FAF1: variants seen among roughly 807,000 people sequenced by gnomAD.
FAF1 encodes FAS-associated factor 1.
A neutral mutation model predicts 92.5 loss-of-function variants in FAF1; 25 were observed. The observed-to-expected ratio is 0.27, with a 90% CI of 0.20 to 0.38. The LOEUF (loss-of-function observed/expected upper bound fraction) is 0.38, where lower values mean the gene tolerates loss of function less well. Among genes scored for constraint, FAF1 ranks in the 10% least tolerant of loss-of-function variants. The pLI is 1.00. For missense variants in FAF1, 636 were observed against 793.3 expected (o/e 0.80, Z 2.38); for synonymous variants, 234 against 273.2 (o/e 0.86, Z 1.42).
intron 7 of FAF1, among the ~76,000 whole-genome samples, chr1:50,699,163 A>C (rs1657361764): frequency 6.6e-6 from 1 of 152,106 alleles, no homozygotes; most frequent in South Asian, 2.1e-4. Context: ...ACAAGAATTA[A>C]ATTTAGAACT....
intron 7 of FAF1, 39 bp downstream of exon 7, chr1:50,705,747 T>C (rs907922498): frequency 3.5e-6 from 4 of 1,144,332 alleles, no homozygotes; most frequent in Non-Finnish European, 5.3e-6. Flanking sequence ...TTAGCTATAA[T>C]GAGCTACCTT....
chr1:50,642,654 T>G (rs1442651708), intron 8 of FAF1, among the ~76,000 whole-genome samples: 1 of 151,858 alleles, frequency 6.6e-6, no homozygotes, highest in Non-Finnish European at 1.5e-5. Context: ...ATCTAAAAAA[T>G]AATAATAATA....
intron 18 of FAF1, among the ~76,000 whole-genome samples, chr1:50,449,713 C>T (rs1410896508): frequency 6.6e-6 from 1 of 151,404 alleles, no homozygotes; most frequent in Non-Finnish European, 1.5e-5. Context: ...TGGTCTCGAT[C>T]TCTTGACCTC....
chr1:50,764,105 T>C (rs1310411787), intron 4 of FAF1, among the ~76,000 whole-genome samples: 3 of 152,208 alleles, frequency 2.0e-5, no homozygotes, highest in African/African-American at 7.2e-5. Flanking sequence ...ACTTTCTCAT[T>C]ACTTTTTTTG....
intron 4 of FAF1, among the ~76,000 whole-genome samples, chr1:50,762,497 G>C (rs1286821062): frequency 1.3e-5 from 2 of 151,666 alleles, no homozygotes; most frequent in African/African-American, 4.8e-5. Context: ...CAGAGATATA[G>C]ATCAATGGAA....
intron 8 of FAF1, among the ~76,000 whole-genome samples, chr1:50,604,575 A>G (rs912690377): frequency 6.6e-6 from 1 of 151,902 alleles, no homozygotes; most frequent in African/African-American, 2.4e-5. Flanking sequence ...TGGTACAATC[A>G]CGGCCGACTG....
chr1:50,846,323 C>A (rs1171361020), intron 2 of FAF1: 2 of 273,330 alleles, frequency 7.3e-6, no homozygotes, highest in Non-Finnish European at 1.4e-5. Context: ...ATGAGGGGGC[C>A]CAGGCTCATG....
chr1:50,611,566 C>A (rs1025330824), intron 8 of FAF1, among the ~76,000 whole-genome samples: 2 of 152,128 alleles, frequency 1.3e-5, no homozygotes, highest in African/African-American at 4.8e-5. Context: ...TCTTTTACTC[C>A]ATTTTTACTT....
At chr1:50,930,499 A>G (rs1414921791) in intron 1 of FAF1, among the ~76,000 whole-genome samples, 2 of 152,216 alleles carry the variant, frequency 1.3e-5, no homozygotes, top group African/African-American at 2.4e-5. Flanking sequence ...CACTCATACA[A>G]TGGTAATAAC....
At chr1:50,786,220 ATGT>A (rs1661359471) in intron 4 of FAF1, among the ~76,000 whole-genome samples, 2 of 152,190 alleles carry the variant, frequency 1.3e-5, no homozygotes. Context: ...TCCATTTATG[ATGT>A]TAATGACTAA....
At chr1:50,538,087 T>TG (rs1231769032) in intron 14 of FAF1, among the ~76,000 whole-genome samples, 1 of 151,922 alleles carries the variant, frequency 6.6e-6, no homozygotes, top group Non-Finnish European at 1.5e-5. Flanking sequence ...TGCTGAATGC[T>TG]GACACACTTC....
At chr1:50,760,184 A>C (rs933761348) in intron 4 of FAF1, among the ~76,000 whole-genome samples, 4 of 152,138 alleles carry the variant, frequency 2.6e-5, no homozygotes. Flanking sequence ...CAGATTCATA[A>C]AGCAAGTCCT....
intron 7 of FAF1, among the ~76,000 whole-genome samples, chr1:50,696,186 C>A (rs1350963080): frequency 2.0e-5 from 3 of 152,040 alleles, no homozygotes; most frequent in Non-Finnish European, 4.4e-5. Flanking sequence ...TCCTGGATTT[C>A]CTCTGGAGTA....
intron 8 of FAF1, among the ~76,000 whole-genome samples, chr1:50,637,677 A>ATGTGTGTGTGTGTGTGTGTGTG (rs1290887015): frequency 4.2e-5 from 4 of 95,272 alleles, no homozygotes; most frequent in Non-Finnish European, 9.3e-5. Flanking sequence ...TCACACATAT[A>ATGTGTGTGTGTGTGTGTGTGTG]TATATGTGTG....
chr1:50,749,001 T>C (rs1001378405), intron 4 of FAF1, among the ~76,000 whole-genome samples: 6 of 152,198 alleles, frequency 3.9e-5, no homozygotes, highest in Non-Finnish European at 1.5e-5. Flanking sequence ...CTTTGGATAG[T>C]GATTAACTAT....
intron 8 of FAF1, among the ~76,000 whole-genome samples, chr1:50,643,904 C>T (rs1031339395): frequency 2.6e-5 from 4 of 152,100 alleles, no homozygotes; most frequent in African/African-American, 9.7e-5. Flanking sequence ...TCCCACCCTG[C>T]CATGATACTT....
intron 4 of FAF1, among the ~76,000 whole-genome samples, chr1:50,756,012 G>A (rs761425941): frequency 5.9e-5 from 9 of 152,138 alleles, no homozygotes; most frequent in South Asian, 2.1e-4. Flanking sequence ...CCTCTGACAC[G>A]CCCTGGAGAC....
intron 15 of FAF1, among the ~76,000 whole-genome samples, chr1:50,534,559 C>G (rs925181620): frequency 4.6e-5 from 7 of 152,162 alleles, no homozygotes; most frequent in African/African-American, 1.7e-4. Flanking sequence ...CAGGTGTGAG[C>G]CCCTGTGCCC....
At chr1:50,813,436 A>G (rs371697580) in intron 2 of FAF1, among the ~76,000 whole-genome samples, 2 of 152,150 alleles carry the variant, frequency 1.3e-5, no homozygotes, top group East Asian at 3.9e-4. Flanking sequence ...AGATCTTACT[A>G]TATGTGCTAT....
Sources: allele counts gnomAD v4.1 joint callset (sites outside exome capture counted in the v4.1 genomes callset), GRCh38; gene constraint gnomAD v4.1.1; transcripts MANE v1.5; gene names NCBI Gene and HGNC (gene_info 2026-07-23, HGNC 2026-07-21).